The following LMF1 variants were observed in gnomAD, a reference collection of about 807,000 sequenced individuals.
LMF1 encodes the protein transmembrane protein 112.
A neutral mutation model predicts 60.6 loss-of-function variants in LMF1; 68 were observed. The ratio of observed to expected loss-of-function variants is 1.12; its 90% CI spans 0.92 to 1.37. LMF1 has a LOEUF of 1.37. Ranked by LOEUF, LMF1 falls within the 40% of genes most tolerant of loss-of-function variation. The probability of loss-of-function intolerance (pLI) is 0.00; values close to 1 mark genes in which losing one functional copy is unlikely to be tolerated. For missense variants in LMF1, 948 were observed against 767.2 expected (o/e 1.24, Z -2.78); for synonymous variants, 418 against 324.7 (o/e 1.29, Z -3.09).
chr16:950,290 T>C (rs1369700245), intron 2 of LMF1, among the ~76,000 whole-genome samples: 9 of 81,170 alleles, frequency 1.1e-4, no homozygotes, highest in South Asian at 5.4e-4. Context: ...TCAGAGACAA[T>C]GACAAAGTCA....
chr16:874,865 A>G lies in LMF1; in HGVS notation c.898-3524T>C, dbSNP rs1205958730. Reference sequence around the variant, plus strand: ...CCCAGCCAGGACACTACAATGTTAGAGGGCGCGGGTCACTCTCAGCCCCAC... The same window carrying G: ...CCCAGCCAGGACACTACAATGTTAGGGGGCGCGGGTCACTCTCAGCCCCAC... On this transcript the variant is annotated intron_variant, in intron 6 of 10. Coordinates refer to ENST00000262301, the MANE Select transcript of LMF1 (RefSeq NM_022773.4). The surrounding 1 kb of genome is among the most constrained non-coding windows in gnomAD (Gnocchi z 4.1). Among the ~76,000 whole-genome samples the G allele has an allele frequency of 6.6e-6, 1 of 152,072 alleles. No homozygotes were observed. Among genetic ancestry groups the G allele is most frequent in the East Asian group, 1.9e-4 (1 of 5,186 alleles).
intron 4 of LMF1, among the ~76,000 whole-genome samples, chr16:907,704 C>T (rs2071006123): frequency 6.6e-6 from 1 of 152,168 alleles, no homozygotes; most frequent in Non-Finnish European, 1.5e-5. Context: ...GCGTGCCTTC[C>T]TAGCCGGCTC....
intron 4 of LMF1, among the ~76,000 whole-genome samples, chr16:910,501 C>T (rs1212816539): frequency 2.6e-5 from 4 of 152,206 alleles, no homozygotes; most frequent in African/African-American, 9.7e-5. Context: ...TCTCATACCT[C>T]CCTCACCCTT....
In LMF1 at chr16:931,672, G is replaced by T. The variant is rs565578283; in HGVS notation, c.514+2572C>A. 1.2e-4 allele frequency: 158 copies of T among 1,287,202 alleles called. No individual in the cohort carries two copies. In the African/African-American group the frequency reaches 2.0e-3, roughly 17 times the overall value. 79.7% of individuals were successfully genotyped at this position (1,287,202 alleles called of 1,614,324 possible). On this transcript the variant is annotated intron_variant, in intron 3 of 10. Coordinates refer to ENST00000262301, the MANE Select transcript of LMF1 (RefSeq NM_022773.4). ...TAACTGGCAGCTCTATGTTCTCCAA[G>T]ATCAGGGAAGGGAAGACAGTTCAAA...
rs1327220400 is a variant in LMF1 at position 854,685 on chromosome 16, G to A, written c.1551C>T (p.Tyr517=). Residue 517 remains tyrosine (Y), a synonymous_variant, in exon 11 of 11, where the codon TAC becomes TAT. Coordinates refer to ENST00000262301, the MANE Select transcript of LMF1 (RefSeq NM_022773.4). ...PPPRWVRGEH[Y]RYKFSRPGGR... is the part of the protein sequence containing the mutation. ...CCCCAGGACGGCTGAACTTGTACCT[G>A]TAGTGCTCTCCTCGGACCCACCTGC... 2 of 1,599,422 alleles carry A rather than the reference G, an allele frequency of 1.3e-6. No individual in the cohort carries two copies. The highest frequency in any genetic ancestry group is 1.7e-4 in the Middle Eastern group (1 of 6,052).
chr16:860,429 T>G (rs2069426504), intron 10 of LMF1, among the ~76,000 whole-genome samples: 1 of 150,746 alleles, frequency 6.6e-6, no homozygotes, highest in Non-Finnish European at 1.5e-5. Flanking sequence ...AACCTCTGCC[T>G]CCCAGGCTCA....
At chr16:892,804 CCA>C (rs2070529067) in intron 5 of LMF1, among the ~76,000 whole-genome samples, 1 of 152,192 alleles carries the variant, frequency 6.6e-6, no homozygotes, top group Admixed American at 6.5e-5. Context: ...CCATGGAGGG[CCA>C]CAGACCCCGT....
intron 5 of LMF1, among the ~76,000 whole-genome samples, chr16:889,721 AG>A (rs1333909794): frequency 6.6e-6 from 1 of 152,166 alleles, no homozygotes; most frequent in African/African-American, 2.4e-5. Flanking sequence ...CGGGGGTTGC[AG>A]GCAGGGGCCT....
intron 3 of LMF1, 188 bp downstream of exon 3, chr16:934,056 G>A (rs1597026652): frequency 6.6e-7 from 1 of 1,513,768 alleles, no homozygotes; most frequent in Non-Finnish European, 8.8e-7. Context: ...TGGAAGCCCA[G>A]GAGCTCCCAC....
At chr16:862,004 C>T (rs943578455) in intron 10 of LMF1, among the ~76,000 whole-genome samples, 2 of 152,162 alleles carry the variant, frequency 1.3e-5, no homozygotes, top group African/African-American at 2.4e-5. Context: ...AAACTTGTCA[C>T]GGGCCTTCCC....
chr16:939,472 A>T (rs911512839), intron 2 of LMF1, among the ~76,000 whole-genome samples: 4 of 152,254 alleles, frequency 2.6e-5, no homozygotes, highest in Non-Finnish European at 5.9e-5. Flanking sequence ...CAATGAGCAA[A>T]CACACGTAAC....
chr16:955,409 CAT>C lies in LMF1; in HGVS notation c.194-745_194-744del, dbSNP rs761713522. Among the ~76,000 whole-genome samples the C allele has an allele frequency of 1.3e-3, 198 of 148,254 alleles. 25 individuals are homozygous for C. Among genetic ancestry groups the C allele is most frequent in the South Asian group, 5.0e-3 (23 of 4,646 alleles). The stretch of plus-strand genomic sequence containing the variant: ...CGCGGTGTGTGCATACACGCACACA[CAT>C]GTAAGTGAACCAGACACGTTACATA... On this transcript the variant is annotated intron_variant, in intron 1 of 10. Transcript: ENST00000262301.
intron 3 of LMF1, among the ~76,000 whole-genome samples, chr16:911,535 G>T (rs547631898): frequency 3.0e-4 from 32 of 105,154 alleles, no homozygotes; most frequent in South Asian, 1.7e-3. Flanking sequence ...GGCAGCACTG[G>T]GGGGGCAGCA....
intron 4 of LMF1, chr16:899,940 C>G (rs956675610): frequency 6.6e-6 from 1 of 152,256 alleles, no homozygotes; most frequent in Non-Finnish European, 1.5e-5. Context: ...GGAGGCTCCA[C>G]TGCACGATGC....
chr16:976,282 G>C (rs1298235328), intron 1 of LMF1: 2 of 449,984 alleles, frequency 4.4e-6, no homozygotes, highest in Non-Finnish European at 8.9e-6. Context: ...TAGGGGATGA[G>C]GGCCCAGAAC....
chr16:908,506 A>G (rs4984974), intron 4 of LMF1, among the ~76,000 whole-genome samples: 54,429 of 152,002 alleles, frequency 0.36, 11,805 homozygotes, highest in African/African-American at 0.6. Context: ...ACACCCGACC[A>G]GGCAAGGAGG....
In LMF1 at chr16:956,091, C is replaced by T. The variant is rs1226882283; in HGVS notation, c.194-1425G>A. On this transcript the variant is annotated intron_variant, in intron 1 of 10. Coordinates refer to ENST00000262301, the MANE Select transcript of LMF1 (RefSeq NM_022773.4). The stretch of plus-strand genomic sequence containing the variant: ...CGGCTCTCTCACATCCACAGGTCTC[C>T]GAGTTCATGTCTCACGGCGCCCACC... Among the ~76,000 whole-genome samples, 9 of 93,102 alleles carry T rather than the reference C, an allele frequency of 9.7e-5. 1 individual carries two copies. The highest frequency in any genetic ancestry group is 1.7e-4 in the Non-Finnish European group (9 of 52,288). The allele number at this position is 93,102 out of a possible 152,430, so 61.1% of individuals were successfully genotyped here.
intron 1 of LMF1, among the ~76,000 whole-genome samples, chr16:978,125 A>C (rs1596190149): frequency 9.3e-6 from 1 of 107,344 alleles, no homozygotes; most frequent in Non-Finnish European, 1.8e-5. Flanking sequence ...CACCATACAC[A>C]CACCACACCA....
rs185696923 is a variant in LMF1, at chr16:950,864, G to T, written c.503+3493C>A. Among the ~76,000 whole-genome samples, 75 of 146,282 alleles carry T rather than the reference G, an allele frequency of 5.1e-4. 4 individuals are homozygous for T. The highest frequency in any genetic ancestry group is 7.0e-4 in the Non-Finnish European group (47 of 67,056). On this transcript the variant is annotated intron_variant, in intron 2 of 10. Coordinates refer to ENST00000262301, the MANE Select transcript of LMF1 (RefSeq NM_022773.4). ...TGACAGAGTCAGAGCCAACGACAGAGTCAGCCAAGGACGGAGTCAGAGCCA... is the reference window on the plus strand; with the variant it reads ...TGACAGAGTCAGAGCCAACGACAGATTCAGCCAAGGACGGAGTCAGAGCCA...
Sources: gnomAD v4.1 joint callset for allele counts (sites outside exome capture counted in the v4.1 genomes callset) on GRCh38, gnomAD v4.1.1 for gene constraint, Gnocchi (gnomAD v3.1) non-coding constraint, MANE v1.5 for transcripts, NCBI Gene and HGNC (gene_info 2026-07-23, HGNC 2026-07-21) for gene names.